The following DDX60L variants were observed in gnomAD, a reference collection of about 807,000 sequenced individuals.
DDX60L encodes DExD/H-box 60 like.
A neutral mutation model predicts 211.6 loss-of-function variants in DDX60L; 191 were observed. The observed-to-expected ratio is 0.90, with a 90% CI of 0.80 to 1.02. The LOEUF is 1.02. Among genes scored for constraint, DDX60L ranks in the 50% least tolerant of loss-of-function variants. The pLI, the probability that DDX60L is intolerant of heterozygous loss-of-function variation, is 0.00. For missense variants in DDX60L, 2,007 were observed against 1,984.1 expected (o/e 1.01, Z -0.22); for synonymous variants, 706 against 694.1 (o/e 1.02, Z -0.27).
At chr4:168,374,344 C>T (rs1464364227) in intron 34 of DDX60L, among the ~76,000 whole-genome samples, 2 of 152,158 alleles carry the variant, frequency 1.3e-5, no homozygotes, top group South Asian at 2.1e-4. Context: ...GCTTACCTCC[C>T]TGTCTTTTAC....
At chr4:168,442,712 C>T (rs1383593029) in intron 9 of DDX60L, among the ~76,000 whole-genome samples, 130 of 151,528 alleles carry the variant, frequency 8.6e-4, no homozygotes, top group African/African-American at 3.1e-3. Flanking sequence ...CAAGTGGGTC[C>T]CTGACCCCTG....
intron 10 of DDX60L, among the ~76,000 whole-genome samples, chr4:168,437,935 G>A (rs1185850716): frequency 6.6e-6 from 1 of 152,164 alleles, no homozygotes. Context: ...GTGCAGGGGC[G>A]CAATCTCAGC....
intron 10 of DDX60L, among the ~76,000 whole-genome samples, chr4:168,437,885 G>C (rs1228158219): frequency 1.3e-5 from 2 of 151,480 alleles, no homozygotes; most frequent in African/African-American, 4.9e-5. Flanking sequence ...TTTTGGTTTT[G>C]TTTTTTGAAA....
At chr4:168,384,065 T>C (rs1168600448) in intron 30 of DDX60L, among the ~76,000 whole-genome samples, 3 of 152,194 alleles carry the variant, frequency 2.0e-5, no homozygotes, top group Non-Finnish European at 2.9e-5. Flanking sequence ...CTGTGCTGGA[T>C]ACTTCCTGCC....
intron 29 of DDX60L, among the ~76,000 whole-genome samples, chr4:168,390,779 T>A (rs997295779): frequency 2.0e-5 from 3 of 151,996 alleles, no homozygotes; most frequent in Admixed American, 2.0e-4. Context: ...AAATCTCTGT[T>A]ATATAGCCCT....
chr4:168,459,306 C>A (rs977710630), intron 5 of DDX60L, among the ~76,000 whole-genome samples: 1 of 149,984 alleles, frequency 6.7e-6, no homozygotes, highest in African/African-American at 2.5e-5. Context: ...GGCAACATAG[C>A]GAGACCCTAT....
chr4:168,390,407 A>T, intron 29 of DDX60L: 1 of 1,279,936 alleles, frequency 7.8e-7, no homozygotes, highest in Non-Finnish European at 9.8e-7. Flanking sequence ...TATACTTGAG[A>T]AAAGGAAAAT....
chr4:168,449,286 T>C (rs1755302667), intron 8 of DDX60L, among the ~76,000 whole-genome samples: 1 of 151,522 alleles, frequency 6.6e-6, no homozygotes, highest in African/African-American at 2.4e-5. Context: ...TATGCAGCCA[T>C]AAAAAATGAT....
At chr4:168,433,599 T>C (rs146755031) in intron 10 of DDX60L, among the ~76,000 whole-genome samples, 1 of 152,208 alleles carries the variant, frequency 6.6e-6, no homozygotes, top group Admixed American at 6.5e-5. Context: ...ACAGTTCCTA[T>C]GTATGGTTTA....
At chr4:168,418,968 T>C (rs1750022774) in intron 19 of DDX60L, among the ~76,000 whole-genome samples, 1 of 152,222 alleles carries the variant, frequency 6.6e-6, no homozygotes, top group Non-Finnish European at 1.5e-5. Context: ...GTCACTGTTC[T>C]TCTCAAAGAG....
chr4:168,386,348 C>G (rs1170484811), intron 29 of DDX60L, among the ~76,000 whole-genome samples: 1 of 152,076 alleles, frequency 6.6e-6, no homozygotes, highest in East Asian at 1.9e-4. Flanking sequence ...CCTTGAGATA[C>G]AAATCAAGTA....
chr4:168,440,578 T>C (rs901510277), intron 10 of DDX60L, among the ~76,000 whole-genome samples: 6 of 152,152 alleles, frequency 3.9e-5, no homozygotes, highest in Non-Finnish European at 7.3e-5. Context: ...TCAAATGCCA[T>C]GTCCTCTCTG....
intron 4 of DDX60L, among the ~76,000 whole-genome samples, chr4:168,463,765 T>C (rs1757625273): frequency 6.6e-6 from 1 of 152,052 alleles, no homozygotes; most frequent in Non-Finnish European, 1.5e-5. Context: ...ATTGAACAAA[T>C]ATAGACTAGA....
chr4:168,416,251 T>C (rs28714151), intron 20 of DDX60L, among the ~76,000 whole-genome samples: 3,516 of 152,306 alleles, frequency 0.023, 121 homozygotes, highest in African/African-American at 0.076. Flanking sequence ...TAGCTTTAAT[T>C]ATTGGATAAG....
intron 8 of DDX60L, 34 bp from the exon 9 acceptor site, chr4:168,448,813 A>C: frequency 6.3e-7 from 1 of 1,582,396 alleles, no homozygotes; most frequent in Non-Finnish European, 8.6e-7. Context: ...ATTAGCAGGG[A>C]GGCATGGAAT....
intron 19 of DDX60L, among the ~76,000 whole-genome samples, chr4:168,417,121 T>C (rs894168742): frequency 6.6e-6 from 1 of 152,186 alleles, no homozygotes; most frequent in Non-Finnish European, 1.5e-5. Flanking sequence ...TAGCTTCCAC[T>C]CTTTCTCTAT....
Position 168,379,363 on chromosome 4 carries a change from C to A in DDX60L, c.4363G>T (p.Gly1455Cys). 6.4e-7 allele frequency: 1 copy of A among 1,555,998 alleles called. No individual in the cohort carries two copies. Among genetic ancestry groups the A allele is most frequent in the Non-Finnish European group, 8.6e-7 (1 of 1,160,244 alleles). The change falls in exon 32 of 38, where the codon GGC becomes TGC. Residue 1455 changes from glycine to cysteine, a missense_variant and splice_region_variant. Transcript: ENST00000682922. The stretch of plus-strand genomic sequence containing the variant: ...CTACAGGTATAAAACCCAAGCTTAC[C>A]TTTCCAGGCTGGCTTACAGAGATTA... ...FHNLCKPAWK[G>C]SQQFSQDVME...
intron 10 of DDX60L, among the ~76,000 whole-genome samples, chr4:168,440,034 C>T (rs1269345644): frequency 6.6e-6 from 1 of 152,136 alleles, no homozygotes; most frequent in African/African-American, 2.4e-5. Context: ...TGAGCTACCC[C>T]CACGCACCCA....
Position 168,373,811 on chromosome 4 carries a change from G to GTCC in DDX60L, c.4634-4_4634-3insGGA. ...TTCACATTCTTTACCTGTGAATTCT[G>GTCC]ACCATTTTGGACTAGGTCACGTTAG... On this transcript the variant is annotated splice_polypyrimidine_tract_variant and splice_region_variant and intron_variant, in intron 34 of 37. Transcript: ENST00000682922. The GTCC allele has an allele frequency of 6.2e-7, 1 of 1,612,180 alleles. No individual in the cohort carries two copies. The highest frequency in any genetic ancestry group is 8.5e-7 in the Non-Finnish European group (1 of 1,179,128).
Sources: gnomAD v4.1 joint callset for allele counts (sites outside exome capture counted in the v4.1 genomes callset) on GRCh38, gnomAD v4.1.1 for gene constraint, MANE v1.5 for transcripts, NCBI Gene and HGNC (gene_info 2026-07-23, HGNC 2026-07-21) for gene names.